Variants in GNL3L observed in about 807,000 individuals in gnomAD.
GNL3L encodes the protein guanine nucleotide-binding protein-like 3-like protein.
Under a neutral mutation model 42.9 loss-of-function variants are expected in GNL3L, and 4 were observed. That is an observed-to-expected ratio of 0.09 (90% CI 0.05 to 0.21). The LOEUF is 0.21. GNL3L is among the 10% of genes least tolerant of loss of function. The probability of loss-of-function intolerance (pLI) is 1.00; values close to 1 mark genes in which losing one functional copy is unlikely to be tolerated. For synonymous variants in GNL3L, 159 were observed against 176.3 expected, an observed-to-expected ratio of 0.90 and a Z score of 0.78; for missense variants, 412 against 481.7, an observed-to-expected ratio of 0.86 and a Z score of 1.36.
At position 54,562,618 on chromosome X, in the gene GNL3L, T is replaced by C. The variant is rs1256996654; in HGVS notation, c.*2016T>C. On this transcript the variant is annotated 3_prime_UTR_variant, in exon 16 of 16. Coordinates refer to ENST00000360845, the MANE Select transcript of GNL3L (RefSeq NM_001184819.2). ...CTAGTAAGGGATTCGTCTCCCCAAATGAAAAAAAAAAGTAATCTCAGAATG... is the reference window on the plus strand; with the variant it reads ...CTAGTAAGGGATTCGTCTCCCCAAACGAAAAAAAAAAGTAATCTCAGAATG... 9.3e-6 allele frequency among the ~76,000 whole-genome samples: 1 copy of C among 108,097 alleles called. No homozygotes were observed. The highest frequency in any genetic ancestry group is 9.9e-5 in the Admixed American group (1 of 10,075). The allele number at this position is 108,097 out of a possible 115,157, so 93.9% of individuals were successfully genotyped here.
At chrX:54,631,639 CT>C in the GNL3L span, among the ~76,000 whole-genome samples, 55 of 111,410 alleles carry the variant, frequency 4.9e-4, 1 homozygote, top group East Asian at 0.011. Flanking sequence ...AACCCTTTAC[CT>C]TAAGTTTATG....
intron 16 of GNL3L, among the ~76,000 whole-genome samples, chrX:54,576,508 C>T (rs1182967569): frequency 9.0e-6 from 1 of 111,050 alleles, no homozygotes; most frequent in Non-Finnish European, 1.9e-5. Flanking sequence ...GAGATGGAGT[C>T]TTGCTCTGTT....
intron 16 of GNL3L, among the ~76,000 whole-genome samples, chrX:54,592,867 C>T (rs190267455): frequency 2.7e-5 from 3 of 110,165 alleles, no homozygotes; most frequent in Admixed American, 9.6e-5. Context: ...TTCTAAACAT[C>T]GATTGAAATG....
chrX:54,618,446 G>A (rs1413721167), intron 16 of GNL3L, among the ~76,000 whole-genome samples: 1 of 111,611 alleles, frequency 9.0e-6, no homozygotes, highest in Non-Finnish European at 1.9e-5. Flanking sequence ...CATGTTCTAG[G>A]TGATGTGGTA....
At chrX:54,629,062 C>G in the GNL3L span, among the ~76,000 whole-genome samples, 1 of 106,877 alleles carries the variant, frequency 9.4e-6, no homozygotes, top group Non-Finnish European at 1.9e-5. Flanking sequence ...TGATTCTCAG[C>G]TTGGTTACTG....
At chrX:54,586,895 T>G (rs989740721) in intron 16 of GNL3L, among the ~76,000 whole-genome samples, 10 of 110,489 alleles carry the variant, frequency 9.1e-5, no homozygotes, top group African/African-American at 3.3e-4. Flanking sequence ...CCCACTCAAC[T>G]TGCTCCTACC....
At chrX:54,635,952 A>G in the GNL3L span, among the ~76,000 whole-genome samples, 2 of 110,993 alleles carry the variant, frequency 1.8e-5, no homozygotes, top group African/African-American at 6.6e-5. Context: ...ATCTCCCCAT[A>G]TATGTGGCTT....
intron 2 of GNL3L, among the ~76,000 whole-genome samples, chrX:54,538,398 A>G (rs1335589029): frequency 8.9e-6 from 1 of 111,770 alleles, no homozygotes; most frequent in Non-Finnish European, 1.9e-5. Flanking sequence ...GGTAAGAATT[A>G]AAGGGAGCCA....
chrX:54,615,977 A>G (rs1926216143), intron 16 of GNL3L, among the ~76,000 whole-genome samples: 1 of 113,252 alleles, frequency 8.8e-6, no homozygotes, highest in Non-Finnish European at 1.9e-5. Flanking sequence ...GTTATGTGCC[A>G]GGCAGTCTGT....
chrX:54,560,539 G>A lies in GNL3L; in HGVS notation c.1686G>A (p.Leu562=). The change falls in exon 16 of 16, where the codon CTG becomes CTA. Residue 562 remains leucine, a synonymous_variant. Transcript: ENST00000360845. ...TTGCAGATAAAATCGCCAGCAAGCT[G>A]TCTGATTCCATGATGTCTGCTCTCG... The part of the protein sequence containing the change: ...QKRADKIASK[L]SDSMMSALDL... 13 of 1,175,616 alleles carry A rather than the reference G, an allele frequency of 1.1e-5. No individual in the cohort carries two copies. Among genetic ancestry groups the A allele is most frequent in the Non-Finnish European group, 1.4e-5 (12 of 862,603 alleles).
chrX:54,546,142 T>A (rs748345734), intron 8 of GNL3L, among the ~76,000 whole-genome samples: 1 of 112,903 alleles, frequency 8.9e-6, no homozygotes, highest in Non-Finnish European at 1.9e-5. Context: ...ATTACAGGCG[T>A]AAGCCACTGC....
intron 14 of GNL3L, among the ~76,000 whole-genome samples, chrX:54,555,774 C>A (rs1925079283): frequency 9.3e-6 from 1 of 107,288 alleles, no homozygotes; most frequent in Non-Finnish European, 1.9e-5. Flanking sequence ...AGCCACTGCA[C>A]CTGGCCGTGT....
chrX:54,636,244 C>G, the GNL3L span, among the ~76,000 whole-genome samples: 1 of 112,338 alleles, frequency 8.9e-6, no homozygotes, highest in African/African-American at 3.2e-5. Flanking sequence ...GGATCAGGAA[C>G]AAGTTTCCCG....
At chrX:54,555,200 G>C (rs1037467303) in intron 14 of GNL3L, among the ~76,000 whole-genome samples, 3 of 108,955 alleles carry the variant, frequency 2.8e-5, no homozygotes, top group Non-Finnish European at 5.7e-5. Context: ...TTTTAGTAGA[G>C]ACAGGGTTTT....
chrX:54,601,099 G>A (rs1379660649), intron 16 of GNL3L, among the ~76,000 whole-genome samples: 1 of 110,859 alleles, frequency 9.0e-6, no homozygotes, highest in Non-Finnish European at 1.9e-5. Flanking sequence ...CAGTCACAGA[G>A]GACTAAATAT....
chrX:54,551,659 C>T lies in GNL3L; in HGVS notation c.955C>T (p.Leu319=). The change falls in exon 11 of 16, where the codon CTG becomes TTG. Residue 319 remains leucine (L), a synonymous_variant. Transcript: ENST00000360845. ...GCCCAACTCAGAGGTGGGCACCATC[C>T]TGCGTAACTGCGTCCACGTGCAGAA... The part of the protein sequence containing the change: ...PGPNSEVGTI[L]RNCVHVQKLA... 8.3e-7 allele frequency: 1 copy of T among 1,210,249 alleles called. No homozygotes were observed. The highest frequency in any genetic ancestry group is 1.1e-6 in the Non-Finnish European group (1 of 894,118).
At chrX:54,615,558 G>C (rs1260676210) in intron 16 of GNL3L, among the ~76,000 whole-genome samples, 1 of 111,727 alleles carries the variant, frequency 9.0e-6, no homozygotes, top group African/African-American at 3.3e-5. Context: ...CCAATAAAAG[G>C]CTGGAGATGT....
In GNL3L at chrX:54,564,402, C is replaced by CTTTTTTTTTTTTTTTTTTTT. The variant is rs567172499; in HGVS notation, c.*3801_*3820dup. 4.9e-5 allele frequency among the ~76,000 whole-genome samples: 4 copies of CTTTTTTTTTTTTTTTTTTTT among 80,810 alleles called. No individual in the cohort carries two copies. The highest frequency in any genetic ancestry group is 1.5e-4 in the African/African-American group (3 of 20,058). 70.2% of individuals were successfully genotyped at this position (80,810 alleles called of 115,157 possible). On this transcript the variant is annotated 3_prime_UTR_variant, in exon 16 of 16. Transcript: ENST00000360845. ...AGTCACTGGTTTTTTTCTTCGTTCT[C>CTTTTTTTTTTTTTTTTTTTT]TTTTTTTTTTTTTTTTTTTTGAGAC...
chrX:54,548,496 G>C (rs770595793), intron 9 of GNL3L, 123 bp downstream of exon 9: 53 of 551,441 alleles, frequency 9.6e-5, no homozygotes, highest in Non-Finnish European at 1.3e-4. Flanking sequence ...CAGGAGAAGG[G>C]TTTCGTGATT....
Sources: allele counts gnomAD v4.1 joint callset (sites outside exome capture counted in the v4.1 genomes callset), GRCh38; gene constraint gnomAD v4.1.1; transcripts MANE v1.5; gene names NCBI Gene and HGNC (gene_info 2026-07-23, HGNC 2026-07-21).